Variants in NAA11 observed in about 807,000 individuals in gnomAD.
NAA11 encodes the protein N-alpha-acetyltransferase 11.
In NAA11, 15 loss-of-function variants were observed where a neutral mutation model predicts 16.1. The ratio of observed to expected loss-of-function variants is 0.93; its 90% CI spans 0.62 to 1.44. The LOEUF is 1.44. Ranked by LOEUF, NAA11 falls within the 40% of genes most tolerant of loss-of-function variation. The pLI is 0.00. For synonymous variants in NAA11, 122 were observed against 112.4 expected (o/e 1.09, Z -0.54); for missense variants, 298 against 291.3 (o/e 1.02, Z -0.17).
At chr4:79,181,858 T>A in the NAA11 span, among the ~76,000 whole-genome samples, 354 of 152,332 alleles carry the variant, frequency 2.3e-3, no homozygotes, top group African/African-American at 7.2e-3. Flanking sequence ...TTCGTTTTTT[T>A]AAAAATGTAG....
At position 79,302,077 on chromosome 4, in the gene NAA11, CAT is replaced by C. The variant is rs533307450; in HGVS notation, c.*13-7965_*13-7964del. Among the ~76,000 whole-genome samples, 1,098 of 152,152 alleles carry C rather than the reference CAT, an allele frequency of 7.2e-3. 18 individuals are homozygous for C. Among genetic ancestry groups the C allele is most frequent in the African/African-American group, 0.025 (1,034 of 41,492 alleles). ...ATACATAAATAATTTTAAGAAATGA[CAT>C]ATGGAATATTTTGAGAGTATAAATG... On this transcript the variant is annotated intron_variant and NMD_transcript_variant, in intron 1 of 2. Transcript: ENST00000511542.
chr4:79,245,796 G>C (rs1007303803), intron 2 of NAA11, among the ~76,000 whole-genome samples: 1 of 152,012 alleles, frequency 6.6e-6, no homozygotes, highest in Non-Finnish European at 1.5e-5. Context: ...CGCCCGTCTG[G>C]GGGGTGAGGG....
chr4:79,164,047 C>A, the NAA11 span, among the ~76,000 whole-genome samples: 881 of 152,144 alleles, frequency 5.8e-3, 7 homozygotes, highest in African/African-American at 0.02. Context: ...TTACCTCTCC[C>A]CAACCTCACC....
chr4:79,221,042 T>G (rs1226737154), downstream of NAA11, among the ~76,000 whole-genome samples: 1 of 151,902 alleles, frequency 6.6e-6, no homozygotes, highest in Non-Finnish European at 1.5e-5. Flanking sequence ...TATCCTCTTT[T>G]ATTTCCTTGA....
intron 2 of NAA11, among the ~76,000 whole-genome samples, chr4:79,289,914 C>T: frequency 6.6e-6 from 1 of 152,132 alleles, no homozygotes; most frequent in Non-Finnish European, 1.5e-5. Context: ...GTTAGGAAGG[C>T]TGCTGCTGGG....
chr4:79,215,748 T>C, the NAA11 span, among the ~76,000 whole-genome samples: 1 of 152,198 alleles, frequency 6.6e-6, no homozygotes, highest in Non-Finnish European at 1.5e-5. Flanking sequence ...GACTTGGACT[T>C]GAATACAGGT....
chr4:79,304,443 T>C (rs1316890671), intron 1 of NAA11, among the ~76,000 whole-genome samples: 1 of 152,136 alleles, frequency 6.6e-6, no homozygotes, highest in Non-Finnish European at 1.5e-5. Context: ...CAAAAATAAT[T>C]ATCCCATTTA....
the NAA11 span, among the ~76,000 whole-genome samples, chr4:79,215,998 A>C: frequency 6.6e-6 from 1 of 152,198 alleles, no homozygotes; most frequent in Admixed American, 6.5e-5. Flanking sequence ...CATCAAAAGA[A>C]AATAAATACA....
the NAA11 span, among the ~76,000 whole-genome samples, chr4:79,168,447 C>T: frequency 8.9e-4 from 136 of 152,314 alleles, 1 homozygote; most frequent in African/African-American, 3.2e-3. Context: ...GATCGCCACA[C>T]TGTCTTCCAC....
intron 1 of NAA11, among the ~76,000 whole-genome samples, chr4:79,324,416 T>TA (rs1724195368): frequency 1.3e-5 from 2 of 152,226 alleles, no homozygotes; most frequent in African/African-American, 4.8e-5. Flanking sequence ...CCATAGCAGT[T>TA]GAGTTTAATG....
At chr4:79,240,570 G>A (rs922775689) in intron 2 of NAA11, among the ~76,000 whole-genome samples, 4 of 152,130 alleles carry the variant, frequency 2.6e-5, no homozygotes, top group African/African-American at 9.7e-5. Flanking sequence ...GTTTATGGAT[G>A]CTGGTCACTA....
chr4:79,175,124 G>A, the NAA11 span, among the ~76,000 whole-genome samples: 148,544 of 152,156 alleles, frequency 0.98, 72,616 homozygotes, highest in East Asian at 1. Context: ...GTTCTTGACT[G>A]TGGTCAACTT....
chr4:79,317,849 T>A (rs1171011524), intron 1 of NAA11, 58 bp from the exon 2 acceptor site: 1 of 152,174 alleles, frequency 6.6e-6, no homozygotes, highest in Non-Finnish European at 1.5e-5. Flanking sequence ...CTCTGACAGC[T>A]CTGAAAGAAT....
the NAA11 span, among the ~76,000 whole-genome samples, chr4:79,164,128 C>T: frequency 2.0e-5 from 3 of 152,078 alleles, no homozygotes; most frequent in Non-Finnish European, 2.9e-5. Flanking sequence ...TAGAACCCAT[C>T]CTGTGCTTTT....
chr4:79,311,004 C>T (rs748023825), intron 1 of NAA11, among the ~76,000 whole-genome samples: 9 of 151,512 alleles, frequency 5.9e-5, no homozygotes, highest in Non-Finnish European at 1.2e-4. Context: ...CTTAGTCCAG[C>T]GCTATTTGAC....
the NAA11 span, among the ~76,000 whole-genome samples, chr4:79,198,634 T>G: frequency 6.6e-6 from 1 of 151,894 alleles, no homozygotes; most frequent in Non-Finnish European, 1.5e-5. Context: ...TGTAGAATCC[T>G]TTCCTTCTAG....
intron 2 of NAA11, among the ~76,000 whole-genome samples, chr4:79,244,467 G>A (rs1354690530): frequency 6.6e-6 from 1 of 151,976 alleles, no homozygotes; most frequent in Non-Finnish European, 1.5e-5. Context: ...AACAGTATTT[G>A]GGAAACTGAA....
the NAA11 span, among the ~76,000 whole-genome samples, chr4:79,163,186 G>A: frequency 5.9e-5 from 9 of 152,312 alleles, no homozygotes; most frequent in South Asian, 1.9e-3. Flanking sequence ...AGAGTTGGCA[G>A]CACAGCAGCT....
At chr4:79,279,887 G>A (rs1316572031) in intron 2 of NAA11, among the ~76,000 whole-genome samples, 1 of 152,036 alleles carries the variant, frequency 6.6e-6, no homozygotes, top group Non-Finnish European at 1.5e-5. Flanking sequence ...GGGGAAATGG[G>A]AGAGGATGGG....
Sources: allele counts gnomAD v4.1 joint callset (sites outside exome capture counted in the v4.1 genomes callset), GRCh38; gene constraint gnomAD v4.1.1; transcripts MANE v1.5; gene names NCBI Gene and HGNC (gene_info 2026-07-23, HGNC 2026-07-21).